The following PSMA1 variants were observed in gnomAD, a reference collection of about 807,000 sequenced individuals.
PSMA1 encodes the protein proteasome 20S subunit alpha 1.
Under a neutral mutation model 38.4 loss-of-function variants are expected in PSMA1, and 3 were observed. The observed-to-expected ratio is 0.08, with a 90% CI of 0.04 to 0.20. PSMA1 has a LOEUF of 0.20. Among genes scored for constraint, PSMA1 ranks in the 10% least tolerant of loss-of-function variants. The probability of loss-of-function intolerance (pLI) is 1.00; values close to 1 mark genes in which losing one functional copy is unlikely to be tolerated. For synonymous variants in PSMA1, 101 were observed against 107.1 expected (o/e 0.94, Z 0.35); for missense variants, 227 against 325.3 (o/e 0.70, Z 2.32).
At chr11:14,594,056 A>C (rs1441432200) in intron 2 of PSMA1, among the ~76,000 whole-genome samples, 2 of 152,234 alleles carry the variant, frequency 1.3e-5, no homozygotes, top group African/African-American at 4.8e-5. Flanking sequence ...GGCACATAGG[A>C]AGAGATGTTG....
At chr11:14,599,060 T>C (rs1382174754) in intron 2 of PSMA1, among the ~76,000 whole-genome samples, 1 of 152,180 alleles carries the variant, frequency 6.6e-6, no homozygotes, top group Admixed American at 6.5e-5. Flanking sequence ...ATGTTGAATA[T>C]TGGCCCCCAT....
chr11:14,544,145 T>G lies in PSMA1; in HGVS notation c.22-25104A>C, dbSNP rs145221668. Among the ~76,000 whole-genome samples the G allele has an allele frequency of 3.1e-3, 474 of 152,252 alleles. 1 individual carries two copies. Among genetic ancestry groups the G allele is most frequent in the Non-Finnish European group, 5.5e-3 (373 of 68,016 alleles). Reference sequence around the variant, plus strand: ...CCTGGGCTCAAGCGATCCTCCCAACTCAGTCTCCTGAGTAGCTGGGACCAC... The same window carrying G: ...CCTGGGCTCAAGCGATCCTCCCAACGCAGTCTCCTGAGTAGCTGGGACCAC... On this transcript the variant is annotated intron_variant, in intron 2 of 10. Transcript: ENST00000418988.
chr11:14,562,656 A>G (rs1402353063), intron 2 of PSMA1, among the ~76,000 whole-genome samples: 1 of 148,622 alleles, frequency 6.7e-6, no homozygotes, highest in African/African-American at 2.5e-5. Flanking sequence ...ACAGGGTCTC[A>G]CTCTGCCACC....
At chr11:14,573,075 C>A (rs1440434732) in intron 2 of PSMA1, among the ~76,000 whole-genome samples, 2 of 152,154 alleles carry the variant, frequency 1.3e-5, no homozygotes, top group African/African-American at 4.8e-5. Flanking sequence ...CAGCCGAATT[C>A]TACCAGAGGT....
At chr11:14,587,929 T>C (rs1176427992) in intron 2 of PSMA1, among the ~76,000 whole-genome samples, 1 of 152,254 alleles carries the variant, frequency 6.6e-6, no homozygotes, top group Non-Finnish European at 1.5e-5. Flanking sequence ...TCACATTACT[T>C]CCTCTGAAAT....
intron 2 of PSMA1, among the ~76,000 whole-genome samples, chr11:14,568,254 A>C (rs1424340488): frequency 6.6e-6 from 1 of 152,206 alleles, no homozygotes; most frequent in Non-Finnish European, 1.5e-5. Flanking sequence ...CCTTGTGCTC[A>C]TTCCATCCCA....
intron 2 of PSMA1, among the ~76,000 whole-genome samples, chr11:14,591,172 C>T (rs1852409366): frequency 6.6e-6 from 1 of 152,340 alleles, no homozygotes; most frequent in Middle Eastern, 3.4e-3. Context: ...GCCGGCCCTG[C>T]CGGCCCTGGG....
intron 2 of PSMA1, among the ~76,000 whole-genome samples, chr11:14,578,073 G>T (rs1188501865): frequency 6.6e-6 from 1 of 151,986 alleles, no homozygotes; most frequent in South Asian, 2.1e-4. Flanking sequence ...GGGGCCTGTT[G>T]GGGGGTTGGG....
At chr11:14,565,325 T>G (rs1852056952) in intron 2 of PSMA1, among the ~76,000 whole-genome samples, 1 of 152,210 alleles carries the variant, frequency 6.6e-6, no homozygotes, top group African/African-American at 2.4e-5. Flanking sequence ...GTTTTACCGA[T>G]CTTTTCAAAG....
At chr11:14,609,196 G>A (rs907798649) in intron 2 of PSMA1, among the ~76,000 whole-genome samples, 3 of 152,170 alleles carry the variant, frequency 2.0e-5, no homozygotes, top group African/African-American at 7.2e-5. Flanking sequence ...TTGTAATGTT[G>A]ATACTATAGG....
chr11:14,609,078 A>G (rs1215004364), intron 2 of PSMA1, among the ~76,000 whole-genome samples: 1 of 152,222 alleles, frequency 6.6e-6, no homozygotes, highest in East Asian at 1.9e-4. Flanking sequence ...ATTTGTTTTC[A>G]TGATCCCCAC....
intron 2 of PSMA1, among the ~76,000 whole-genome samples, chr11:14,543,543 T>A (rs1380601934): frequency 6.6e-6 from 1 of 151,960 alleles, no homozygotes; most frequent in African/African-American, 2.4e-5. Context: ...TTTTTTTTTT[T>A]AAACAATAAG....
chr11:14,536,478 G>A (rs1208818796), intron 2 of PSMA1, among the ~76,000 whole-genome samples: 1 of 151,804 alleles, frequency 6.6e-6, no homozygotes, highest in Non-Finnish European at 1.5e-5. Flanking sequence ...AGTGAGCAGA[G>A]ATCTTGCCAC....
At chr11:14,563,521 A>G (rs889327499) in intron 2 of PSMA1, among the ~76,000 whole-genome samples, 3 of 152,192 alleles carry the variant, frequency 2.0e-5, no homozygotes, top group Non-Finnish European at 4.4e-5. Context: ...TTTGGGAGCT[A>G]TTGGTTTCTA....
chr11:14,578,262 G>A (rs1852243262), intron 2 of PSMA1, among the ~76,000 whole-genome samples: 1 of 152,178 alleles, frequency 6.6e-6, no homozygotes, highest in Non-Finnish European at 1.5e-5. Context: ...TTCTGGTCAA[G>A]TTTAACCCTA....
intron 2 of PSMA1, among the ~76,000 whole-genome samples, chr11:14,602,398 A>C (rs1057474005): frequency 5.3e-5 from 8 of 151,954 alleles, no homozygotes; most frequent in Admixed American, 6.6e-5. Context: ...ATCTTCCTTG[A>C]CCTGGTACAT....
intron 2 of PSMA1, among the ~76,000 whole-genome samples, chr11:14,601,369 C>T (rs964432070): frequency 6.6e-6 from 1 of 152,180 alleles, no homozygotes; most frequent in Non-Finnish European, 1.5e-5. Context: ...GTTCTAGCCT[C>T]CTGGATGCCC....
chr11:14,505,348 G>A, intron 9 of PSMA1, 100 bp from the exon 10 acceptor site: 1 of 1,003,620 alleles, frequency 1.0e-6, no homozygotes, highest in Non-Finnish European at 1.6e-6. Flanking sequence ...GAGAAAAAGG[G>A]GTAAAGAGAT....
At chr11:14,558,508 T>A (rs1433273963) in intron 2 of PSMA1, among the ~76,000 whole-genome samples, 1 of 152,212 alleles carries the variant, frequency 6.6e-6, no homozygotes, top group Non-Finnish European at 1.5e-5. Flanking sequence ...TGCTTTGAGA[T>A]AATGTGCTAA....
Sources: gnomAD v4.1 joint callset for allele counts (sites outside exome capture counted in the v4.1 genomes callset) on GRCh38, gnomAD v4.1.1 for gene constraint, MANE v1.5 for transcripts, NCBI Gene and HGNC (gene_info 2026-07-23, HGNC 2026-07-21) for gene names.